Variants in SNED1 observed in about 807,000 individuals in gnomAD.
SNED1 encodes the protein sushi, nidogen and EGF-like domain-containing protein 1.
In SNED1, 81 loss-of-function variants were observed where a neutral mutation model predicts 166.7. The ratio of observed to expected loss-of-function variants is 0.49; its 90% confidence interval spans 0.41 to 0.58. The LOEUF is 0.58. Among genes scored for constraint, SNED1 ranks in the 20% least tolerant of loss-of-function variants. SNED1 has a pLI of 0.00. For synonymous variants in SNED1, 762 were observed against 822.0 expected (o/e 0.93, Z 1.25); for missense variants, 1,604 against 2,000.2 (o/e 0.80, Z 3.78).
Position 241,021,110 on chromosome 2 carries a change from G to T in SNED1, c.214-9174G>T, listed in dbSNP as rs918399440. ...GGGTTTAGTATGCATAGGAATTGGG[G>T]GCTCAGCACAGCTGTCCGGGACCAC... On this transcript the variant is annotated intron_variant, in intron 1 of 31. Transcript: ENST00000310397. 5.3e-5 allele frequency among the ~76,000 whole-genome samples: 8 copies of T among 152,136 alleles called. No homozygotes were observed. In the East Asian group the frequency reaches 1.5e-3, roughly 29 times the overall value.
chr2:241,033,784 C>G lies in SNED1; in HGVS notation c.551C>G (p.Thr184Ser), dbSNP rs1408991695. ...VLITDGKLSF[T>S]IFNYESIVWT... ...ATCACAGACGGCAAGCTCTCCTTCA[C>G]CATCTTCAACTATGAGTCCATCGTG... Residue 184 changes from threonine (T) to serine (S), a missense_variant, in exon 3 of 32, where the codon ACC becomes AGC. Thr to Ser is a moderately conservative substitution (Grantham distance 58). Around this residue, in one of 2 missense-constraint regions of SNED1, gnomAD observed 1,237 missense variants for 1,620.8 expected, o/e 0.76. Transcript: ENST00000310397. 6.2e-7 allele frequency: 1 copy of G among 1,611,892 alleles called. No homozygotes were observed. Among genetic ancestry groups the G allele is most frequent in the African/African-American group, 1.3e-5 (1 of 75,050 alleles).
At position 241,069,905 on chromosome 2, in the gene SNED1, T is replaced by TCCTGCCTCATCCAGGGCC; in HGVS notation, c.3308-6_3319dup. 3.1e-6 allele frequency: 5 copies of TCCTGCCTCATCCAGGGCC among 1,609,968 alleles called. No homozygotes were observed. The highest frequency in any genetic ancestry group is 4.2e-6 in the Non-Finnish European group (5 of 1,178,106). The stretch of plus-strand genomic sequence containing the variant: ...TGGGCACCCCCTCACCTCTCCCTGC[T>TCCTGCCTCATCCAGGGCC]CCTGCCTCATCCAGGGCCCCTGCCT... On this transcript the variant is annotated splice_polypyrimidine_tract_variant and intron_variant, in intron 23 of 31. Coordinates refer to ENST00000310397, the MANE Select transcript of SNED1 (RefSeq NM_001080437.3). The surrounding 1 kb of genome is among the most constrained non-coding windows in gnomAD (Gnocchi z 4.9).
intron 4 of SNED1, among the ~76,000 whole-genome samples, chr2:241,036,068 G>GGGCGCGTCACA (rs2061357443): frequency 8.8e-6 from 1 of 113,546 alleles, no homozygotes; most frequent in Non-Finnish European, 1.9e-5. Flanking sequence ...CACAGGGTGG[G>GGGCGCGTCACA]GGGTGGGGGG....
chr2:241,041,982 GA>G (rs1176079386), intron 8 of SNED1, among the ~76,000 whole-genome samples: 1 of 152,184 alleles, frequency 6.6e-6, no homozygotes, highest in Non-Finnish European at 1.5e-5. Flanking sequence ...TCACCCCTGA[GA>G]AAAGGGAATC....
chr2:241,062,944 C>A, intron 17 of SNED1, 40 bp downstream of exon 17: 2 of 1,326,218 alleles, frequency 1.5e-6, no homozygotes, highest in Non-Finnish European at 2.1e-6. Context: ...ACAGCTGCAG[C>A]ACACTGGCCA....
At position 241,018,950 on chromosome 2, in the gene SNED1, G is replaced by A. The variant is rs904673679; in HGVS notation, c.214-11334G>A. On this transcript the variant is annotated intron_variant, in intron 1 of 31. Transcript: ENST00000310397. This position sits in a 1 kb window ranked among gnomAD's most constrained non-coding sequence, Gnocchi z 5.4. ...TCAGGGCCAAACCTCAAGGCTTCCA[G>A]GTAGGTCTGTGTCACCCCGCAGAGG... is the stretch of plus-strand genomic sequence containing the variant. 1.3e-5 allele frequency among the ~76,000 whole-genome samples: 2 copies of A among 152,204 alleles called. No homozygotes were observed. Among genetic ancestry groups the A allele is most frequent in the East Asian group, 3.9e-4 (2 of 5,188 alleles).
intron 21 of SNED1, among the ~76,000 whole-genome samples, chr2:241,065,859 T>C (rs1249234377): frequency 6.8e-6 from 1 of 146,644 alleles, no homozygotes; most frequent in Admixed American, 6.9e-5. Context: ...CCCCCAGGCA[T>C]GGAGCTAGGA....
chr2:241,076,858 G>C (rs962960741), intron 27 of SNED1, among the ~76,000 whole-genome samples: 1 of 152,222 alleles, frequency 6.6e-6, no homozygotes, highest in Non-Finnish European at 1.5e-5. Context: ...TTGGGAGGCC[G>C]AGGCGGGCGG....
intron 16 of SNED1, among the ~76,000 whole-genome samples, chr2:241,058,817 G>T (rs541628391): frequency 8.5e-5 from 13 of 152,258 alleles, no homozygotes; most frequent in African/African-American, 2.6e-4. Context: ...GGGCGAGGTG[G>T]CGGGCGCCTG....
chr2:241,036,228 C>T (rs1291939735), intron 4 of SNED1, among the ~76,000 whole-genome samples: 5 of 151,878 alleles, frequency 3.3e-5, no homozygotes, highest in African/African-American at 1.2e-4. Flanking sequence ...GAAGGAGGCC[C>T]GAGGAGCCCG....
chr2:241,031,712 C>T (rs2061174583), intron 2 of SNED1, among the ~76,000 whole-genome samples: 1 of 152,244 alleles, frequency 6.6e-6, no homozygotes, highest in Non-Finnish European at 1.5e-5. Flanking sequence ...CTAGACGGTG[C>T]CACCACCCCA....
At chr2:241,029,298 G>A (rs2124972377) in intron 1 of SNED1, among the ~76,000 whole-genome samples, 1 of 152,328 alleles carries the variant, frequency 6.6e-6, no homozygotes, top group East Asian at 1.9e-4. Context: ...AGCTCTTGAG[G>A]CTGGGAAGTC....
chr2:241,012,189 AGCCCCAGGGACCTCG>A (rs1224377930), intron 1 of SNED1, among the ~76,000 whole-genome samples: 10 of 152,198 alleles, frequency 6.6e-5, no homozygotes, highest in African/African-American at 2.4e-4. Context: ...CAGGTGGCCC[AGCCCCAGGGACCTCG>A]GCCACAGCGG....
rs749616538 is a variant in SNED1, at chr2:241,065,369, G to A, written c.2784G>A (p.Pro928=). The stretch of plus-strand genomic sequence containing the variant: ...GTGGGGTCTCTATCTCCTGGAACCC[G>A]CCCAATGGTCCAGCCGCCAGGCAGA... ...EESGVSISWN[P]PNGPAARQML... is the part of the protein sequence containing the mutation. The change falls in exon 21 of 32, where the codon CCG becomes CCA. Residue 928 remains proline, a synonymous_variant. Coordinates refer to ENST00000310397, the MANE Select transcript of SNED1 (RefSeq NM_001080437.3). 19 of 1,612,928 alleles carry A rather than the reference G, an allele frequency of 1.2e-5. No individual in the cohort carries two copies. The highest frequency in any genetic ancestry group is 8.0e-5 in the African/African-American group (6 of 74,888).
chr2:241,093,327 G>A lies in SNED1; in HGVS notation c.*1691G>A, dbSNP rs1160577368. On this transcript the variant is annotated 3_prime_UTR_variant, in exon 32 of 32. Coordinates refer to ENST00000310397, the MANE Select transcript of SNED1 (RefSeq NM_001080437.3). ...GTCCATGTAAGCTACAGCATTACTA[G>A]CAGATGCTAAGATCGAGTGATATCA... The A allele has an allele frequency of 6.5e-6, 1 of 152,680 alleles. No homozygotes were observed. Among genetic ancestry groups the A allele is most frequent in the Non-Finnish European group, 1.5e-5 (1 of 68,048 alleles). 9.5% of individuals were successfully genotyped at this position (152,680 alleles called of 1,614,324 possible).
chr2:241,048,982 CAT>C (rs576061997), intron 10 of SNED1, 38 bp from the exon 11 acceptor site: 840 of 1,531,656 alleles, frequency 5.5e-4, no homozygotes, highest in African/African-American at 1.2e-3. Flanking sequence ...TGCTGGAAGA[CAT>C]GTGGAATATG....
chr2:241,031,494 G>T (rs1211006070), intron 2 of SNED1, among the ~76,000 whole-genome samples: 1 of 152,218 alleles, frequency 6.6e-6, no homozygotes, highest in East Asian at 1.9e-4. Flanking sequence ...GACAGCCCTG[G>T]ACGAAGCAGA....
At chr2:241,048,540 G>C in intron 9 of SNED1, 100 bp downstream of exon 9, 1 of 1,493,816 alleles carries the variant, frequency 6.7e-7, no homozygotes, top group Non-Finnish European at 9.0e-7. Context: ...GAAAAGAAAC[G>C]TGTGAGTGCG....
At chr2:241,035,231 T>C (rs1475752668) in intron 4 of SNED1, among the ~76,000 whole-genome samples, 3 of 152,116 alleles carry the variant, frequency 2.0e-5, no homozygotes, top group Non-Finnish European at 4.4e-5. Flanking sequence ...CAGGTCCTCA[T>C]TTTTGCCAGC....
Sources: gnomAD v4.1 joint callset for allele counts (sites outside exome capture counted in the v4.1 genomes callset) on GRCh38, gnomAD v4.1.1 for gene constraint, gnomAD v4.1.1 regional missense constraint, Gnocchi (gnomAD v3.1) non-coding constraint, MANE v1.5 for transcripts, NCBI Gene and HGNC (gene_info 2026-07-23, HGNC 2026-07-21) for gene names.